Variants in NLRP2 observed in about 807,000 individuals in gnomAD.
NLRP2 encodes the protein NACHT, LRR and PYD domains-containing protein 2.
A neutral mutation model predicts 97.2 loss-of-function variants in NLRP2; 107 were observed. That is an observed-to-expected ratio of 1.10 (90% CI 0.94 to 1.29). NLRP2 has a LOEUF of 1.29. Among genes scored for constraint, NLRP2 ranks in the 50% most tolerant of loss-of-function variants. The pLI is 0.00. For missense variants in NLRP2, 1,495 were observed against 1,330.3 expected, an observed-to-expected ratio of 1.12 and a Z score of -1.93; for synonymous variants, 663 against 551.5, an observed-to-expected ratio of 1.20 and a Z score of -2.83.
rs149252399 is a variant in NLRP2 at position 54,985,255 on chromosome 19, G to T, written c.2201+38G>T. On this transcript the variant is annotated intron_variant, in intron 7 of 12. Coordinates refer to ENST00000448584, the MANE Select transcript of NLRP2 (RefSeq NM_017852.5). The stretch of plus-strand genomic sequence containing the variant: ...TAATTCATGAACTCAAATCCTTAGG[G>T]TATGAAAATGGTACAATGTTAACAT... The T allele has an allele frequency of 4.7e-3, 7,439 of 1,581,492 alleles. 29 individuals carry two copies. The highest frequency in any genetic ancestry group is 6.1e-3 in the Non-Finnish European group (7,059 of 1,151,598).
intron 7 of NLRP2, among the ~76,000 whole-genome samples, chr19:54,985,533 C>A (rs1237149375): frequency 6.6e-6 from 1 of 151,046 alleles, no homozygotes; most frequent in Non-Finnish European, 1.5e-5. Context: ...CAAAAATTAT[C>A]CAGGCGTGGT....
chr19:54,983,518 G>A lies in NLRP2; in HGVS notation c.1820G>A (p.Gly607Asp). The change falls in exon 6 of 13, where the codon GGC becomes GAC. Residue 607 changes from glycine (G) to aspartate (D), a missense_variant. Coordinates refer to ENST00000448584, the MANE Select transcript of NLRP2 (RefSeq NM_017852.5). ...STVTDLQELL[G>D]CLYESQEEEL... is the part of the protein sequence containing the mutation. ...GTGACAGACCTGCAGGAGCTCCTCG[G>A]CTGTCTGTACGAGTCTCAGGAGGAG... is the stretch of plus-strand genomic sequence containing the variant. The A allele has an allele frequency of 6.2e-7, 1 of 1,614,180 alleles. No individual in the cohort carries two copies. Among genetic ancestry groups the A allele is most frequent in the South Asian group, 1.1e-5 (1 of 91,082 alleles).
chr19:54,983,650 A>T lies in NLRP2; in HGVS notation c.1952A>T (p.Gln651Leu), dbSNP rs2071813994. 1 of 1,614,172 alleles carries T rather than the reference A, an allele frequency of 6.2e-7. No individual in the cohort carries two copies. Among genetic ancestry groups the T allele is most frequent in the African/African-American group, 1.3e-5 (1 of 75,062 alleles). The change falls in exon 6 of 13, where the codon CAG becomes CTG. Residue 651 changes from glutamine (Q) to leucine (L), a missense_variant. Coordinates refer to ENST00000448584, the MANE Select transcript of NLRP2 (RefSeq NM_017852.5). ...TGCGTCAAGCACTGTCGAAACCTGC[A>T]GAAAATGTCACTGCAGGTAATAAAG... ...SFCVKHCRNLQKMSLQVIKEN... is the reference protein window; with the variant it reads ...SFCVKHCRNLLKMSLQVIKEN...
rs1450435578 is a variant in NLRP2 at position 54,983,705 on chromosome 19, TGAATCAGACG to T, written c.2008_2017del (p.Glu670ProfsTer29). 1 of 1,612,610 alleles carries T rather than the reference TGAATCAGACG, an allele frequency of 6.2e-7. No homozygotes were observed. Among genetic ancestry groups the T allele is most frequent in the South Asian group, 1.1e-5 (1 of 91,030 alleles). Reference sequence around the variant, plus strand: ...ATCTCCCGGAGAATGTCACTGCGTCTGAATCAGACGCCGAGGTTGAGAGGTGAGAACCGTT... The same window carrying T: ...ATCTCCCGGAGAATGTCACTGCGTCTCCGAGGTTGAGAGGTGAGAACCGTT... On this transcript the variant is annotated frameshift_variant, in exon 6 of 13. Transcript: ENST00000448584. LOFTEE classifies it high-confidence loss of function.
At chr19:54,980,243 A>G (rs906817949) in intron 4 of NLRP2, among the ~76,000 whole-genome samples, 1 of 151,292 alleles carries the variant, frequency 6.6e-6, no homozygotes, top group Admixed American at 6.6e-5. Context: ...CTGTCACCCA[A>G]GCTGGAGTGC....
rs201455679 is a variant in NLRP2 at position 54,996,063 on chromosome 19, CAAAG to C, written c.2880-1253_2880-1250del. Among the ~76,000 whole-genome samples, 736 of 101,546 alleles carry C rather than the reference CAAAG, an allele frequency of 7.2e-3. 23 individuals are homozygous for C. Among genetic ancestry groups the C allele is most frequent in the Middle Eastern group, 0.034 (5 of 146 alleles). 66.6% of individuals were successfully genotyped at this position (101,546 alleles called of 152,430 possible). Reference sequence around the variant, plus strand: ...AAAAAAAAAAAAAAAACAAAAAAAACAAAGGCGCCTTTTTAATCACTCACTGACA... The same window carrying C: ...AAAAAAAAAAAAAAAACAAAAAAAACGCGCCTTTTTAATCACTCACTGACA... On this transcript the variant is annotated intron_variant, in intron 11 of 12. Coordinates refer to ENST00000448584, the MANE Select transcript of NLRP2 (RefSeq NM_017852.5).
chr19:54,998,956 C>G (rs2073021072), intron 12 of NLRP2, among the ~76,000 whole-genome samples: 1 of 151,752 alleles, frequency 6.6e-6, no homozygotes, highest in Non-Finnish European at 1.5e-5. Flanking sequence ...GGGGTAAGGT[C>G]ACAGATCAAC....
intron 10 of NLRP2, among the ~76,000 whole-genome samples, chr19:54,991,804 A>G (rs2072492597): frequency 6.8e-6 from 1 of 147,976 alleles, no homozygotes; most frequent in Admixed American, 6.8e-5. Context: ...GGGAGGTTGC[A>G]GTGAGCCGAG....
At chr19:54,990,837 AT>A in intron 10 of NLRP2, 165 bp downstream of exon 10, 1 of 724,992 alleles carries the variant, frequency 1.4e-6, no homozygotes, top group Non-Finnish European at 2.5e-6. Flanking sequence ...GGAAAAAAGT[AT>A]AAGTAGTAGT....
rs150346661 is a variant in NLRP2, at chr19:54,989,938, C to T, written c.2367-84C>T. The T allele has an allele frequency of 7.7e-4, 1,142 of 1,490,576 alleles. 3 individuals carry two copies. In the African/African-American group the frequency reaches 0.014, roughly 18 times the overall value. The allele number at this position is 1,490,576 out of a possible 1,614,324, so 92.3% of individuals were successfully genotyped here. The stretch of plus-strand genomic sequence containing the variant: ...CCCAGGAGGCGGAGGTTGCTGTGAG[C>T]CGAGATTGCGCCACCTGGGCAACAA... On this transcript the variant is annotated intron_variant, in intron 8 of 12. Coordinates refer to ENST00000448584, the MANE Select transcript of NLRP2 (RefSeq NM_017852.5).
rs185834765 is a variant in NLRP2 at position 54,968,993 on chromosome 19, G to A, written c.-17-1006G>A. Reference sequence around the variant, plus strand: ...TGGGATTGCAGGCGTGAGCCACCGCGCCCGGCTGTGTGTTTGCATTATCAT... The same window carrying A: ...TGGGATTGCAGGCGTGAGCCACCGCACCCGGCTGTGTGTTTGCATTATCAT... On this transcript the variant is annotated intron_variant, in intron 1 of 12. Transcript: ENST00000448584. 1.3e-3 allele frequency among the ~76,000 whole-genome samples: 191 copies of A among 152,140 alleles called. 1 individual carries two copies. The highest frequency in any genetic ancestry group is 0.01 in the East Asian group (53 of 5,170).
chr19:54,973,632 C>T (rs1372673765), intron 2 of NLRP2, among the ~76,000 whole-genome samples: 1 of 152,062 alleles, frequency 6.6e-6, no homozygotes, highest in Non-Finnish European at 1.5e-5. Context: ...CCTCAGCCTC[C>T]CAGAGTGCTG....
At chr19:54,972,503 C>G (rs369452466) in intron 2 of NLRP2, among the ~76,000 whole-genome samples, 304 of 152,052 alleles carry the variant, frequency 2.0e-3, no homozygotes, top group Middle Eastern at 0.01. Context: ...GAAACGGGGT[C>G]TCGTTTTCTT....
Position 54,970,272 on chromosome 19 carries a change from A to G in NLRP2, c.257A>G (p.Glu86Gly), listed in dbSNP as rs1425708787. Reference sequence around the variant, plus strand: ...AAGATGCACCGAATGGATCTGTCTGAGAGAGCAAAGGATGAAGTCAGAGGT... The same window carrying G: ...AAGATGCACCGAATGGATCTGTCTGGGAGAGCAAAGGATGAAGTCAGAGGT... Reference protein sequence around the residue: ...FEKMHRMDLSERAKDEVREAA... With the variant: ...FEKMHRMDLSGRAKDEVREAA... The change falls in exon 2 of 13, where the codon GAG becomes GGG. Residue 86 changes from glutamate to glycine, a missense_variant. By Grantham distance (98) the Glu-to-Gly change is moderately conservative. Transcript: ENST00000448584. 2 of 1,614,138 alleles carry G rather than the reference A, an allele frequency of 1.2e-6. No homozygotes were observed. The highest frequency in any genetic ancestry group is 1.7e-6 in the Non-Finnish European group (2 of 1,180,018).
Position 54,976,789 on chromosome 19 carries a change from T to C in NLRP2, c.326-963T>C, listed in dbSNP as rs550489591. ...AGGGTTAAGCTGCAGATATTGTTAT[T>C]AGGATTCCACCTTGTTCTCTCTCTT... On this transcript the variant is annotated intron_variant, in intron 3 of 12. Coordinates refer to ENST00000448584, the MANE Select transcript of NLRP2 (RefSeq NM_017852.5). The C allele has an allele frequency of 1.9e-5, 8 of 427,968 alleles. No homozygotes were observed. In the Middle Eastern group the frequency reaches 1.4e-3, roughly 74 times the overall value. 26.5% of individuals were successfully genotyped at this position (427,968 alleles called of 1,614,324 possible). A position where few individuals can be genotyped will look rare whatever the true frequency, so the allele number is the denominator to read the frequency against.
Position 54,990,501 on chromosome 19 carries a change from G to A in NLRP2, c.2538-1G>A, listed in dbSNP as rs1463083207. On this transcript the variant is annotated splice_acceptor_variant, in intron 9 of 12. Coordinates refer to ENST00000448584, the MANE Select transcript of NLRP2 (RefSeq NM_017852.5). LOFTEE classifies it high-confidence loss of function. Reference sequence around the variant, plus strand: ...TGTTGCCATTTGTGATTCTTTTGTAGGTTGGAAAACTGTCACCTTACAGAA... The same window carrying A: ...TGTTGCCATTTGTGATTCTTTTGTAAGTTGGAAAACTGTCACCTTACAGAA... 1.2e-6 allele frequency: 2 copies of A among 1,614,142 alleles called. No individual in the cohort carries two copies. Among genetic ancestry groups the A allele is most frequent in the Admixed American group, 1.7e-5 (1 of 60,006 alleles).
At chr19:54,976,996 G>A (rs1237226069) in intron 3 of NLRP2, 1 of 343,624 alleles carries the variant, frequency 2.9e-6, no homozygotes, top group African/African-American at 2.2e-5. Flanking sequence ...TTTTGTTTTA[G>A]TAGAGACGGG....
intron 3 of NLRP2, among the ~76,000 whole-genome samples, chr19:54,975,143 T>TTTG (rs1279332053): frequency 2.3e-5 from 2 of 86,736 alleles, no homozygotes; most frequent in Admixed American, 1.3e-4. Flanking sequence ...TTTTTTTTTT[T>TTTG]GAAACAGGGC....
At chr19:54,989,958 CAACAA>C in intron 8 of NLRP2, 59 bp from the exon 9 acceptor site, 1 of 1,569,320 alleles carries the variant, frequency 6.4e-7, no homozygotes, top group Non-Finnish European at 8.7e-7. Context: ...GCCACCTGGG[CAACAA>C]GAGTGAGACT....
Sources: gnomAD v4.1 joint callset for allele counts (sites outside exome capture counted in the v4.1 genomes callset) on GRCh38, gnomAD v4.1.1 for gene constraint, MANE v1.5 for transcripts, NCBI Gene and HGNC (gene_info 2026-07-23, HGNC 2026-07-21) for gene names.